JAK1: variants seen among roughly 807,000 people sequenced by gnomAD.
JAK1 encodes the protein tyrosine-protein kinase JAK1.
In JAK1, 16 loss-of-function variants were observed where a neutral mutation model predicts 136.6. The observed-to-expected ratio is 0.12, with a 90% confidence interval of 0.08 to 0.18. The LOEUF (loss-of-function observed/expected upper bound fraction) is 0.18, where lower values mean the gene tolerates loss of function less well. JAK1 is among the 10% of genes least tolerant of loss of function. The pLI, the probability that JAK1 is intolerant of heterozygous loss-of-function variation, is 1.00. For synonymous variants in JAK1, 492 were observed against 519.5 expected, an observed-to-expected ratio of 0.95 and a Z score of 0.72; for missense variants, 859 against 1,450.1, an observed-to-expected ratio of 0.59 and a Z score of 6.62.
Position 64,839,682 on chromosome 1 carries a change from A to G in JAK1, c.2763T>C (p.Asp921=), listed in dbSNP as rs1176544856. ...KPESGGNHIA[D]LKKEIEILRN... ...TTAAGATCTCGATTTCCTTTTTCAG[A>G]TCAGCTATGTGGTTACCTCCACTCT... is the stretch of plus-strand genomic sequence containing the variant. Residue 921 remains aspartate (D), a synonymous_variant, in exon 20 of 25, where the codon GAT becomes GAC. Transcript: ENST00000342505. 4 of 1,614,048 alleles carry G rather than the reference A, an allele frequency of 2.5e-6. No individual in the cohort carries two copies. The highest frequency in any genetic ancestry group is 3.3e-5 in the Admixed American group (2 of 60,010).
intron 1 of JAK1, among the ~76,000 whole-genome samples, chr1:64,953,536 G>A (rs1326024380): frequency 6.6e-6 from 1 of 152,040 alleles, no homozygotes; most frequent in East Asian, 1.9e-4. Context: ...AATCTCGTCT[G>A]ACTTAAAATG....
At chr1:64,852,161 A>G (rs1164135636) in intron 11 of JAK1, among the ~76,000 whole-genome samples, 1 of 152,238 alleles carries the variant, frequency 6.6e-6, no homozygotes, top group African/African-American at 2.4e-5. Context: ...TTCTATGAGC[A>G]TTATACACAT....
At chr1:65,053,966 C>T (rs1323371639) in intron 1 of JAK1, among the ~76,000 whole-genome samples, 3 of 152,192 alleles carry the variant, frequency 2.0e-5, no homozygotes, top group African/African-American at 7.2e-5. Context: ...TCTGCTCCAA[C>T]TCTGTGTAGT....
chr1:64,891,030 A>G (rs1644927343), intron 1 of JAK1, among the ~76,000 whole-genome samples: 1 of 152,226 alleles, frequency 6.6e-6, no homozygotes, highest in South Asian at 2.1e-4. Context: ...GAGTTAAGTC[A>G]GTCAATGCAT....
chr1:64,924,353 G>C (rs79942434), intron 1 of JAK1, among the ~76,000 whole-genome samples: 1,776 of 152,310 alleles, frequency 0.012, 41 homozygotes, highest in African/African-American at 0.041. Context: ...TTCCCTGCAA[G>C]AATGTCTGGG....
intron 1 of JAK1, among the ~76,000 whole-genome samples, chr1:64,931,018 G>A (rs1159721854): frequency 4.6e-5 from 7 of 152,186 alleles, no homozygotes; most frequent in African/African-American, 1.4e-4. Context: ...GACTAGGGGT[G>A]GGATGGCATT....
chr1:64,961,062 C>T (rs1187092411), intron 1 of JAK1, among the ~76,000 whole-genome samples: 1 of 152,186 alleles, frequency 6.6e-6, no homozygotes, highest in African/African-American at 2.4e-5. Context: ...CACTGCTTGC[C>T]TCTGAGAACA....
At chr1:64,848,811 A>G (rs1021177479) in intron 12 of JAK1, among the ~76,000 whole-genome samples, 1 of 152,190 alleles carries the variant, frequency 6.6e-6, no homozygotes, top group African/African-American at 2.4e-5. Context: ...CTAGGGAATC[A>G]GTCTTATCCC....
rs144149520 is a variant in JAK1, at chr1:64,894,533, C to A, written c.-77-8192G>T. ...CAGCACTTTGGGACGCCAAGGTGGG[C>A]GGATCACTTGAGGTCAGGAGTTCGA... On this transcript the variant is annotated intron_variant, in intron 1 of 24. Coordinates refer to ENST00000342505, the MANE Select transcript of JAK1 (RefSeq NM_002227.4). 2.4e-4 allele frequency among the ~76,000 whole-genome samples: 36 copies of A among 152,068 alleles called. 9 individuals are homozygous for A. The highest frequency in any genetic ancestry group is 3.9e-4 in the Admixed American group (6 of 15,282).
intron 1 of JAK1, among the ~76,000 whole-genome samples, chr1:64,887,056 G>C (rs1644863464): frequency 6.6e-6 from 1 of 152,128 alleles, no homozygotes; most frequent in South Asian, 2.1e-4. Flanking sequence ...GAGGCCACGA[G>C]GCCAGCATCC....
intron 1 of JAK1, among the ~76,000 whole-genome samples, chr1:64,894,293 C>T (rs1478891243): frequency 6.6e-6 from 1 of 152,128 alleles, no homozygotes; most frequent in African/African-American, 2.4e-5. Flanking sequence ...CCTAGTTTGC[C>T]CTCAGTTATG....
chr1:64,866,775 G>C (rs1656729097), intron 7 of JAK1, 91 bp downstream of exon 7: 2 of 896,920 alleles, frequency 2.2e-6, no homozygotes, highest in African/African-American at 1.7e-5. Flanking sequence ...GGGAGTGATG[G>C]ACATGCAGAC....
At chr1:64,838,258 A>G (rs763257147) in intron 21 of JAK1, among the ~76,000 whole-genome samples, 154 bp from the exon 22 acceptor site, 4 of 152,250 alleles carry the variant, frequency 2.6e-5, no homozygotes, top group Non-Finnish European at 5.9e-5. Context: ...TTAAGAACAA[A>G]CTGATTCAAA....
intron 2 of JAK1, among the ~76,000 whole-genome samples, chr1:65,036,715 A>G (rs1365191018): frequency 6.6e-6 from 1 of 152,232 alleles, no homozygotes; most frequent in Non-Finnish European, 1.5e-5. Context: ...TATCTGGAGC[A>G]TTGCTCTTTA....
intron 1 of JAK1, among the ~76,000 whole-genome samples, chr1:64,942,870 T>TCC (rs777352608): frequency 5.9e-4 from 88 of 148,532 alleles, no homozygotes; most frequent in Admixed American, 6.6e-4. Flanking sequence ...CTAAATAAAG[T>TCC]AACTGTCTTA....
intron 2 of JAK1, chr1:64,989,367 A>ATAAG (rs909174308): frequency 1.3e-5 from 2 of 151,642 alleles, no homozygotes; most frequent in African/African-American, 4.8e-5. Flanking sequence ...AAATAAATAA[A>ATAAG]TAAAATAAAC....
intron 1 of JAK1, among the ~76,000 whole-genome samples, chr1:64,891,705 A>C (rs976812482): frequency 6.6e-6 from 1 of 152,238 alleles, no homozygotes; most frequent in Non-Finnish European, 1.5e-5. Flanking sequence ...AGTTCTGATG[A>C]AAGCATCACA....
chr1:64,896,456 A>G (rs1276718955), intron 1 of JAK1, among the ~76,000 whole-genome samples: 1 of 152,208 alleles, frequency 6.6e-6, no homozygotes, highest in Non-Finnish European at 1.5e-5. Flanking sequence ...AAGAAGACTG[A>G]AGGATAATTT....
At chr1:64,924,943 T>C (rs903934979) in intron 1 of JAK1, among the ~76,000 whole-genome samples, 5 of 152,130 alleles carry the variant, frequency 3.3e-5, no homozygotes, top group African/African-American at 1.2e-4. Flanking sequence ...TCCAAACCCA[T>C]AGAATGCACA....
Sources: gnomAD v4.1 joint callset for allele counts (sites outside exome capture counted in the v4.1 genomes callset) on GRCh38, gnomAD v4.1.1 for gene constraint, MANE v1.5 for transcripts, NCBI Gene and HGNC (gene_info 2026-07-23, HGNC 2026-07-21) for gene names.